Variants in CUX1 observed in about 807,000 individuals in gnomAD.
The protein encoded by CUX1 is protein CASP.
Under a neutral mutation model 158.8 loss-of-function variants are expected in CUX1, and 31 were observed. That is an observed-to-expected ratio of 0.20 (90% confidence interval 0.15 to 0.26). The LOEUF (loss-of-function observed/expected upper bound fraction) is 0.26. Among genes scored for constraint, CUX1 ranks in the 10% least tolerant of loss-of-function variants. The pLI, the probability that CUX1 is intolerant of heterozygous loss-of-function variation, is 1.00. For missense variants in CUX1, 1,589 were observed against 2,014.6 expected, an observed-to-expected ratio of 0.79 and a Z score of 4.04; for synonymous variants, 879 against 862.1, an observed-to-expected ratio of 1.02 and a Z score of -0.34.
intron 3 of CUX1, among the ~76,000 whole-genome samples, chr7:102,030,555 A>G (rs1820624875): frequency 6.6e-6 from 1 of 152,030 alleles, no homozygotes; most frequent in South Asian, 2.1e-4. Context: ...AGGTCATCTC[A>G]TATTTGATCC....
rs187700114 is a variant in CUX1 at position 102,229,466 on chromosome 7, C to T, written c.3433+1797C>T. Among the ~76,000 whole-genome samples, 43 of 152,054 alleles carry T rather than the reference C, an allele frequency of 2.8e-4. No homozygotes were observed. In the East Asian group the frequency reaches 7.3e-3, roughly 26 times the overall value. On this transcript the variant is annotated intron_variant, in intron 21 of 23. Transcript: ENST00000292535. ...AGCTGGGATTACAGGCATCCGCCAC[C>T]GTGCCCAGCTAATTTTTGTATTTTT...
chr7:102,178,646 A>G lies in CUX1; in HGVS notation c.1006A>G (p.Ser336Gly). Residue 336 changes from serine to glycine, a missense_variant, in exon 11 of 24, where the codon AGC (serine) becomes GGC (glycine). By Grantham distance (56) the Ser-to-Gly change is moderately conservative. Transcript: ENST00000292535. ...TGAGCAGCAGCTGAGCGCCAAAAAC[A>G]GCACACTCAAAGTAAGGGGGCTGCG... ...QLEQQLSAKN[S>G]TLKQLEEKLK... 3 of 1,609,174 alleles carry G rather than the reference A, an allele frequency of 1.9e-6. No individual in the cohort carries two copies. Among genetic ancestry groups the G allele is most frequent in the Non-Finnish European group, 2.5e-6 (3 of 1,177,598 alleles).
intron 8 of CUX1, among the ~76,000 whole-genome samples, chr7:102,144,286 T>C (rs576192573): frequency 6.6e-6 from 1 of 152,188 alleles, no homozygotes; most frequent in Non-Finnish European, 1.5e-5. Context: ...TGTGATGCTC[T>C]TCACTTTTTT....
chr7:102,149,421 G>A (rs1304198130), intron 8 of CUX1, among the ~76,000 whole-genome samples: 2 of 6,978 alleles, frequency 2.9e-4, no homozygotes, highest in Non-Finnish European at 5.3e-4. Context: ...ACCCATGCCC[G>A]GTATATCCCT....
At chr7:101,953,370 G>A (rs752440834) in intron 2 of CUX1, among the ~76,000 whole-genome samples, 1 of 152,312 alleles carries the variant, frequency 6.6e-6, no homozygotes, top group Admixed American at 6.5e-5. Context: ...GTGGCTTCTT[G>A]GAGAAAGGTA....
At chr7:102,219,195 GGT>G (rs149911933) in intron 20 of CUX1, among the ~76,000 whole-genome samples, 26 of 150,612 alleles carry the variant, frequency 1.7e-4, no homozygotes, top group African/African-American at 5.9e-4. Context: ...CCCTGCAGAG[GGT>G]GTGTGTGTGT....
intron 8 of CUX1, among the ~76,000 whole-genome samples, chr7:102,143,553 G>A (rs947705421): frequency 6.6e-6 from 1 of 152,144 alleles, no homozygotes; most frequent in Non-Finnish European, 1.5e-5. Flanking sequence ...GATTACAGGT[G>A]TGAGTCACTG....
chr7:101,954,410 C>A lies in CUX1; in HGVS notation c.141+38185C>A, dbSNP rs568310801. On this transcript the variant is annotated intron_variant, in intron 2 of 23. Coordinates refer to ENST00000292535, the MANE Select transcript of CUX1 (RefSeq NM_181552.4). The stretch of plus-strand genomic sequence containing the variant: ...ATAAATGTTAGCCACTGTGATTATT[C>A]TATTATTCCCGTCCTCGTTGTAAAT... Among the ~76,000 whole-genome samples, 13 of 152,314 alleles carry A rather than the reference C, an allele frequency of 8.5e-5. No individual in the cohort carries two copies. The South Asian group carries it at 2.5e-3, about 29-fold the overall frequency.
At chr7:102,064,023 G>T (rs4294126) in intron 3 of CUX1, among the ~76,000 whole-genome samples, 126,778 of 152,174 alleles carry the variant, frequency 0.83, 52,950 homozygotes, top group East Asian at 0.99. Flanking sequence ...CCTTCCAGGC[G>T]GAGGGGAAAT....
chr7:101,932,702 C>T (rs552952754), intron 2 of CUX1: 260 of 424,442 alleles, frequency 6.1e-4, no homozygotes, highest in Non-Finnish European at 1.1e-3. Flanking sequence ...CAACAACCCA[C>T]GAAAGGTATT....
chr7:101,860,646 C>A (rs1797337775), intron 1 of CUX1, among the ~76,000 whole-genome samples: 1 of 152,034 alleles, frequency 6.6e-6, no homozygotes, highest in Non-Finnish European at 1.5e-5. Flanking sequence ...TTGTACTAGT[C>A]TGTCTGTCTT....
At chr7:101,867,018 C>T (rs893662150) in intron 1 of CUX1, among the ~76,000 whole-genome samples, 3 of 152,186 alleles carry the variant, frequency 2.0e-5, no homozygotes, top group Non-Finnish European at 4.4e-5. Context: ...GTCAGGAGTT[C>T]GAGACCAGCC....
At chr7:102,181,473 A>AT (rs1793077476) in intron 11 of CUX1, among the ~76,000 whole-genome samples, 3 of 152,166 alleles carry the variant, frequency 2.0e-5, no homozygotes, top group Admixed American at 6.5e-5. Context: ...CACATTTTTT[A>AT]TTATAGAGCA....
At chr7:101,949,293 G>A (rs1808764684) in intron 2 of CUX1, among the ~76,000 whole-genome samples, 1 of 151,460 alleles carries the variant, frequency 6.6e-6, no homozygotes, top group Non-Finnish European at 1.5e-5. Context: ...CACCACGCCT[G>A]GCTAATTTTT....
intron 21 of CUX1, among the ~76,000 whole-genome samples, chr7:102,227,871 C>T (rs536852615): frequency 1.5e-3 from 234 of 152,240 alleles, no homozygotes; most frequent in African/African-American, 5.3e-3. Context: ...CCACCCTGCA[C>T]CCCCACGGGG....
intron 2 of CUX1, among the ~76,000 whole-genome samples, chr7:101,978,035 G>A (rs1375139508): frequency 6.6e-6 from 1 of 151,042 alleles, no homozygotes; most frequent in African/African-American, 2.4e-5. Context: ...CCATCACTCT[G>A]CTGGGTCCCC....
At chr7:101,982,795 A>G (rs914266540) in intron 2 of CUX1, among the ~76,000 whole-genome samples, 1 of 151,778 alleles carries the variant, frequency 6.6e-6, no homozygotes, top group Admixed American at 6.6e-5. Context: ...ATATGTATAT[A>G]TGTACCATGT....
At chr7:101,880,570 G>A (rs1799610593) in intron 1 of CUX1, among the ~76,000 whole-genome samples, 6 of 152,154 alleles carry the variant, frequency 3.9e-5, no homozygotes, top group Admixed American at 3.9e-4. Flanking sequence ...TGATGTAAAG[G>A]GAGCATTTTA....
chr7:102,239,226 A>G, intron 22 of CUX1, 94 bp from the exon 23 acceptor site: 1 of 1,412,624 alleles, frequency 7.1e-7, no homozygotes, highest in Non-Finnish European at 9.4e-7. Context: ...AAAGTCCTGC[A>G]AGCCGGCACT....
Sources: allele counts gnomAD v4.1 joint callset (sites outside exome capture counted in the v4.1 genomes callset), GRCh38; gene constraint gnomAD v4.1.1; transcripts MANE v1.5; gene names NCBI Gene and HGNC (gene_info 2026-07-23, HGNC 2026-07-21).